The following EMC2 variants were observed in gnomAD, a reference collection of about 807,000 sequenced individuals.
The protein encoded by EMC2 is TPR repeat protein 35.
A neutral mutation model predicts 51.6 loss-of-function variants in EMC2; 37 were observed. That is an observed-to-expected ratio of 0.72 (90% CI 0.55 to 0.94). The LOEUF (loss-of-function observed/expected upper bound fraction) is 0.94, where lower values mean the gene tolerates loss of function less well. Among genes scored for constraint, EMC2 ranks in the 40% least tolerant of loss-of-function variants. EMC2 has a pLI of 0.00. For missense variants in EMC2, 359 were observed against 350.9 expected (o/e 1.02, Z -0.18); for synonymous variants, 131 against 112.4 (o/e 1.17, Z -1.04).
chr8:108,484,431 A>G (rs1028924553), intron 10 of EMC2, among the ~76,000 whole-genome samples: 1 of 152,042 alleles, frequency 6.6e-6, no homozygotes, highest in Non-Finnish European at 1.5e-5. Context: ...TCTAAATTGC[A>G]CTGGTTGTGA....
Position 108,457,744 on chromosome 8 carries a change from G to A in EMC2, c.363+1814G>A, listed in dbSNP as rs182795378. ...TTGTGGAAGTTACAATTCAAGATGAGATTTGGGTGAGGACACAGTCAAACC... is the reference window on the plus strand; with the variant it reads ...TTGTGGAAGTTACAATTCAAGATGAAATTTGGGTGAGGACACAGTCAAACC... On this transcript the variant is annotated intron_variant, in intron 5 of 10. Coordinates refer to ENST00000220853, the MANE Select transcript of EMC2 (RefSeq NM_014673.5). Among the ~76,000 whole-genome samples, 14 of 152,298 alleles carry A rather than the reference G, an allele frequency of 9.2e-5. No individual in the cohort carries two copies. The East Asian group carries it at 2.7e-3, about 29-fold the overall frequency.
At chr8:108,455,281 A>G (rs1293946519) in intron 4 of EMC2, among the ~76,000 whole-genome samples, 2 of 151,820 alleles carry the variant, frequency 1.3e-5, no homozygotes, top group East Asian at 1.9e-4. Flanking sequence ...GAAAGTTTGT[A>G]TTGATAATTC....
At position 108,463,058 on chromosome 8, in the gene EMC2, G is replaced by GTTCCT. The variant is rs1158288451; in HGVS notation, c.364-6767_364-6766insTCCTT. On this transcript the variant is annotated intron_variant, in intron 5 of 10. Coordinates refer to ENST00000220853, the MANE Select transcript of EMC2 (RefSeq NM_014673.5). The stretch of plus-strand genomic sequence containing the variant: ...CTCTTATTTACTTCTGAGGAAGACA[G>GTTCCT]TATTTTATACCTCTGAGTTGATTCC... Among the ~76,000 whole-genome samples, 8 of 152,148 alleles carry GTTCCT rather than the reference G, an allele frequency of 5.3e-5. No individual in the cohort carries two copies. The East Asian group carries it at 9.6e-4, about 18-fold the overall frequency.
At chr8:108,477,966 TA>T (rs1810977677) in intron 9 of EMC2, among the ~76,000 whole-genome samples, 1 of 152,032 alleles carries the variant, frequency 6.6e-6, no homozygotes, top group African/African-American at 2.4e-5. Flanking sequence ...ACAGAGCTCC[TA>T]AATGATCGAG....
intron 4 of EMC2, 25 bp from the exon 5 acceptor site, chr8:108,455,848 G>T (rs764168909): frequency 2.4e-6 from 2 of 834,788 alleles, no homozygotes; most frequent in Non-Finnish European, 3.7e-6. Flanking sequence ...AATAATTGTA[G>T]ATGTTTCTTT....
chr8:108,480,045 A>G (rs1337818435), intron 10 of EMC2, among the ~76,000 whole-genome samples: 1 of 152,054 alleles, frequency 6.6e-6, no homozygotes, highest in African/African-American at 2.4e-5. Flanking sequence ...GATTTGTTTT[A>G]TTGATTATTC....
chr8:108,486,677 T>C lies in EMC2; in HGVS notation c.*79T>C. On this transcript the variant is annotated 3_prime_UTR_variant, in exon 11 of 11. Transcript: ENST00000220853. ...GGCCTGTAACTTATTTACTAAATGC[T>C]CAGTGCTATTTATATACTACAGTAA... is the stretch of plus-strand genomic sequence containing the variant. The C allele has an allele frequency of 7.2e-7, 1 of 1,393,414 alleles. No homozygotes were observed. The highest frequency in any genetic ancestry group is 9.8e-7 in the Non-Finnish European group (1 of 1,025,350). The allele number at this position is 1,393,414 out of a possible 1,614,324, so 86.3% of individuals were successfully genotyped here. A position where few individuals can be genotyped will look rare whatever the true frequency, so the allele number is the denominator to read the frequency against.
intron 5 of EMC2, among the ~76,000 whole-genome samples, chr8:108,465,178 T>C (rs936233122): frequency 3.9e-5 from 6 of 152,228 alleles, no homozygotes; most frequent in African/African-American, 1.4e-4. Context: ...TGAAGATTTA[T>C]TCATGGTCTT....
chr8:108,480,192 G>A (rs2127734), intron 10 of EMC2, among the ~76,000 whole-genome samples: 103,970 of 151,902 alleles, frequency 0.68, 36,143 homozygotes, highest in African/African-American at 0.81. Flanking sequence ...TCAGTAATAC[G>A]TGTATTAGAC....
intron 4 of EMC2, among the ~76,000 whole-genome samples, chr8:108,454,891 C>T (rs188943024): frequency 6.6e-6 from 1 of 152,078 alleles, no homozygotes; most frequent in East Asian, 1.9e-4. Flanking sequence ...TAAATATTTC[C>T]CTCTACTCTT....
At chr8:108,479,720 C>T (rs528573761) in intron 10 of EMC2, among the ~76,000 whole-genome samples, 13 of 152,012 alleles carry the variant, frequency 8.6e-5, no homozygotes, top group Non-Finnish European at 1.3e-4. Flanking sequence ...TTTTTATATA[C>T]CCGTTAATAC....
chr8:108,468,589 CT>C (rs989969572), intron 5 of EMC2, among the ~76,000 whole-genome samples: 3 of 152,016 alleles, frequency 2.0e-5, no homozygotes, highest in Admixed American at 6.5e-5. Context: ...TAAACTTTCA[CT>C]TTCATTTCTT....
At chr8:108,459,721 A>AGAGAGTGTGTGTGTGTGT (rs763020311) in intron 5 of EMC2, among the ~76,000 whole-genome samples, 1 of 136,968 alleles carries the variant, frequency 7.3e-6, no homozygotes, top group African/African-American at 3.0e-5. Context: ...AGAGAGAGAG[A>AGAGAGTGTGTGTGTGTGT]GTGTGTGTGT....
chr8:108,449,238 G>A (rs1354596594), intron 1 of EMC2, among the ~76,000 whole-genome samples: 1 of 151,056 alleles, frequency 6.6e-6, no homozygotes, highest in Admixed American at 6.6e-5. Context: ...TCAGTCTCCT[G>A]AGTAGCTGGG....
At chr8:108,465,710 A>G (rs1327373356) in intron 5 of EMC2, among the ~76,000 whole-genome samples, 1 of 152,226 alleles carries the variant, frequency 6.6e-6, no homozygotes, top group African/African-American at 2.4e-5. Flanking sequence ...AATTATATGA[A>G]TTGATATTGG....
At chr8:108,452,080 C>T (rs1225439361) in intron 3 of EMC2, among the ~76,000 whole-genome samples, 1 of 152,182 alleles carries the variant, frequency 6.6e-6, no homozygotes. Context: ...TTTGTATCAT[C>T]TTTAACATTT....
At chr8:108,485,988 A>G (rs991355426) in intron 10 of EMC2, among the ~76,000 whole-genome samples, 2 of 151,814 alleles carry the variant, frequency 1.3e-5, no homozygotes, top group Non-Finnish European at 3.0e-5. Flanking sequence ...TTAGTTAACT[A>G]ATAAATCTGG....
chr8:108,486,572 G>A lies in EMC2; in HGVS notation c.868G>A (p.Glu290Lys). Residue 290 changes from glutamate (E) to lysine (K), a missense_variant, in exon 11 of 11, where the codon GAA (glutamate) becomes AAA (lysine). Physicochemically the swap from Glu to Lys is moderately conservative, Grantham distance 56. Coordinates refer to ENST00000220853, the MANE Select transcript of EMC2 (RefSeq NM_014673.5). Reference protein sequence around the residue: ...YSLKAVEDMLETLQITQS With the variant: ...YSLKAVEDMLKTLQITQS ...TCTTAAGGCTGTCGAAGACATGTTGGAAACATTGCAGATCACCCAGTCTTA... is the reference window on the plus strand; with the variant it reads ...TCTTAAGGCTGTCGAAGACATGTTGAAAACATTGCAGATCACCCAGTCTTA... 3 of 1,603,862 alleles carry A rather than the reference G, an allele frequency of 1.9e-6. No individual in the cohort carries two copies. The highest frequency in any genetic ancestry group is 2.6e-6 in the Non-Finnish European group (3 of 1,175,856).
intron 5 of EMC2, among the ~76,000 whole-genome samples, chr8:108,468,429 T>G (rs528824416): frequency 6.6e-6 from 1 of 152,220 alleles, no homozygotes; most frequent in Non-Finnish European, 1.5e-5. Context: ...ATGACCTGAT[T>G]AATTAAGGAT....
Sources: allele counts gnomAD v4.1 joint callset (sites outside exome capture counted in the v4.1 genomes callset), GRCh38; gene constraint gnomAD v4.1.1; transcripts MANE v1.5; gene names NCBI Gene and HGNC (gene_info 2026-07-23, HGNC 2026-07-21).